Variants in TENM2 observed in about 807,000 individuals in gnomAD.
TENM2 encodes the protein teneurin transmembrane protein 2.
A neutral mutation model predicts 245.2 loss-of-function variants in TENM2; 52 were observed. The observed-to-expected ratio is 0.21, with a 90% CI of 0.17 to 0.27. The LOEUF (loss-of-function observed/expected upper bound fraction) is 0.27. Among genes scored for constraint, TENM2 ranks in the 10% least tolerant of loss-of-function variants. The pLI, the probability that TENM2 is intolerant of heterozygous loss-of-function variation, is 1.00. For missense variants in TENM2, 3,046 were observed against 3,666.8 expected (o/e 0.83, Z 4.37); for synonymous variants, 1,363 against 1,438.9 (o/e 0.95, Z 1.19).
chr5:167,876,608 TG>T (rs142975417), intron 3 of TENM2, among the ~76,000 whole-genome samples: 3,350 of 152,170 alleles, frequency 0.022, 123 homozygotes, highest in African/African-American at 0.076. Context: ...GTTTTCTTGT[TG>T]TTGTTTGTTT....
At chr5:167,496,881 A>G (rs1768853551) in intron 2 of TENM2, among the ~76,000 whole-genome samples, 1 of 152,172 alleles carries the variant, frequency 6.6e-6, no homozygotes, top group Non-Finnish European at 1.5e-5. Flanking sequence ...TACAAAATAA[A>G]ATAAGCACAT....
chr5:168,221,372 C>G (rs1763656550), intron 23 of TENM2, among the ~76,000 whole-genome samples: 2 of 152,134 alleles, frequency 1.3e-5, no homozygotes, highest in Non-Finnish European at 2.9e-5. Flanking sequence ...CTCAGAGAAT[C>G]GAAGTGACTC....
At chr5:167,260,833 T>A in the TENM2 span, among the ~76,000 whole-genome samples, 47 of 152,308 alleles carry the variant, frequency 3.1e-4, no homozygotes, top group African/African-American at 1.1e-3. Context: ...GCTAAATTGT[T>A]TATTATAATT....
the TENM2 span, among the ~76,000 whole-genome samples, chr5:167,031,299 C>T: frequency 6.6e-6 from 1 of 152,164 alleles, no homozygotes; most frequent in Non-Finnish European, 1.5e-5. Flanking sequence ...TTCATTTCAA[C>T]CAAAGCTACA....
At chr5:167,959,550 A>G (rs142659316) in intron 4 of TENM2, among the ~76,000 whole-genome samples, 1,551 of 152,214 alleles carry the variant, frequency 0.01, 28 homozygotes, top group African/African-American at 0.035. Context: ...CAGCTCCCTC[A>G]GGTCACTTAT....
At chr5:167,532,264 T>C (rs1267228722) in intron 2 of TENM2, among the ~76,000 whole-genome samples, 2 of 152,288 alleles carry the variant, frequency 1.3e-5, no homozygotes, top group Middle Eastern at 3.4e-3. Context: ...TTAGAATTTA[T>C]ATATACAACT....
intron 2 of TENM2, among the ~76,000 whole-genome samples, chr5:167,519,662 T>C (rs533952466): frequency 3.9e-5 from 6 of 152,280 alleles, no homozygotes; most frequent in Non-Finnish European, 8.8e-5. Flanking sequence ...AACTAAAGCA[T>C]GAAATTATAG....
chr5:167,716,711 T>A (rs1759282395), intron 2 of TENM2, among the ~76,000 whole-genome samples: 1 of 152,130 alleles, frequency 6.6e-6, no homozygotes, highest in Admixed American at 6.5e-5. Flanking sequence ...AAATGAATAC[T>A]AAGCAGTGGT....
At chr5:167,280,104 A>G (rs116087912), upstream of TENM2, among the ~76,000 whole-genome samples, 165 of 152,286 alleles carry the variant, frequency 1.1e-3, 2 homozygotes, top group African/African-American at 3.8e-3. Context: ...TTCCCTGCTC[A>G]GCTTCTGTCA....
chr5:168,184,085 C>G (rs1047440026), intron 13 of TENM2, among the ~76,000 whole-genome samples: 2 of 152,202 alleles, frequency 1.3e-5, no homozygotes, highest in Non-Finnish European at 1.5e-5. Flanking sequence ...ACCTCCTCAT[C>G]AAGGTAACTA....
the TENM2 span, among the ~76,000 whole-genome samples, chr5:167,172,421 A>T: frequency 6.6e-6 from 1 of 152,152 alleles, no homozygotes; most frequent in African/African-American, 2.4e-5. Flanking sequence ...CTAAGGCTCA[A>T]TTAAGGGTCG....
chr5:167,987,916 CGTTGGTTTTTT>C (rs1783374167), intron 4 of TENM2, among the ~76,000 whole-genome samples: 2 of 152,082 alleles, frequency 1.3e-5, no homozygotes, highest in African/African-American at 4.8e-5. Context: ...TTCTACTTAT[CGTTGGTTTTTT>C]GTTTAATCAT....
At chr5:167,559,724 A>G (rs1403960654) in intron 2 of TENM2, among the ~76,000 whole-genome samples, 1 of 152,194 alleles carries the variant, frequency 6.6e-6, no homozygotes, top group East Asian at 1.9e-4. Flanking sequence ...TATGTATCCC[A>G]TATCATAGTA....
chr5:167,661,832 C>T (rs569320362), intron 2 of TENM2, among the ~76,000 whole-genome samples: 2 of 152,312 alleles, frequency 1.3e-5, no homozygotes, highest in Non-Finnish European at 2.9e-5. Flanking sequence ...CTCAAACAGG[C>T]CGTCTACTCA....
chr5:167,994,486 C>A (rs1423920763), intron 5 of TENM2, among the ~76,000 whole-genome samples: 2 of 152,216 alleles, frequency 1.3e-5, no homozygotes, highest in African/African-American at 4.8e-5. Flanking sequence ...GGCAAAGGGG[C>A]ATGACTGTGC....
chr5:167,046,660 C>T, the TENM2 span, among the ~76,000 whole-genome samples: 9 of 152,190 alleles, frequency 5.9e-5, no homozygotes, highest in African/African-American at 2.2e-4. Context: ...CTGAAGTGTG[C>T]TCTTTTCTCT....
intron 2 of TENM2, among the ~76,000 whole-genome samples, chr5:167,867,366 G>T (rs1772409818): frequency 6.6e-6 from 1 of 152,184 alleles, no homozygotes; most frequent in African/African-American, 2.4e-5. Context: ...TTGTTGGTGA[G>T]ATATAGAAAC....
In TENM2 at chr5:167,801,106, AAAAATATATATATATAT is replaced by A. The variant is rs1261096702; in HGVS notation, c.503-74878_503-74862del. 8.9e-4 allele frequency among the ~76,000 whole-genome samples: 58 copies of A among 64,854 alleles called. 1 individual carries two copies. Among genetic ancestry groups the A allele is most frequent in the Admixed American group, 1.7e-3 (8 of 4,772 alleles). 42.5% of individuals were successfully genotyped at this position (64,854 alleles called of 152,430 possible). On this transcript the variant is annotated intron_variant, in intron 2 of 28. Coordinates refer to ENST00000518659, the Ensembl canonical transcript of TENM2. ...AATGTATTTGAAAAGAAAAAAAAAAAAAAATATATATATATATATATATATATATATATATATATATA... is the reference window on the plus strand; with the variant it reads ...AATGTATTTGAAAAGAAAAAAAAAAAATATATATATATATATATATATATA...
At chr5:167,907,777 G>T (rs1776227567) in intron 3 of TENM2, among the ~76,000 whole-genome samples, 1 of 151,078 alleles carries the variant, frequency 6.6e-6, no homozygotes, top group Non-Finnish European at 1.5e-5. Flanking sequence ...AAAAATTTAG[G>T]AAGTTATGTA....
Sources: gnomAD v4.1 joint callset for allele counts (sites outside exome capture counted in the v4.1 genomes callset) on GRCh38, gnomAD v4.1.1 for gene constraint, MANE v1.5 for transcripts, NCBI Gene and HGNC (gene_info 2026-07-23, HGNC 2026-07-21) for gene names.